The following VTCN1 variants were observed in gnomAD, a reference collection of about 807,000 sequenced individuals.
VTCN1 encodes the protein V-set domain containing T cell activation inhibitor 1.
In VTCN1, 26 loss-of-function variants were observed where a neutral mutation model predicts 26.5. The ratio of observed to expected loss-of-function variants is 0.98; its 90% confidence interval spans 0.72 to 1.36. VTCN1 has a LOEUF of 1.36. VTCN1 is among the 40% of genes most tolerant of loss of function. The pLI, the probability that VTCN1 is intolerant of heterozygous loss-of-function variation, is 0.00. For missense variants in VTCN1, 298 were observed against 337.7 expected (o/e 0.88, Z 0.92); for synonymous variants, 116 against 130.7 (o/e 0.89, Z 0.77).
rs780577419 is a variant in VTCN1 at position 117,210,901 on chromosome 1, C to G, written c.-46G>C. 6.2e-7 allele frequency: 1 copy of G among 1,607,812 alleles called. No homozygotes were observed. Among genetic ancestry groups the G allele is most frequent in the Non-Finnish European group, 8.5e-7 (1 of 1,174,582 alleles). On this transcript the variant is annotated 5_prime_UTR_variant, in exon 1 of 6. Coordinates refer to ENST00000369458, the MANE Select transcript of VTCN1 (RefSeq NM_024626.4). ...GTATCTGGGTACTGGCTGAGTGGAG[C>G]TGCCGCTGCCTTCCTTGGTGACTCA...
At chr1:117,196,403 TAG>T (rs68151432) in intron 1 of VTCN1, among the ~76,000 whole-genome samples, 11,141 of 145,088 alleles carry the variant, frequency 0.077, 757 homozygotes, top group African/African-American at 0.19. Flanking sequence ...TATATATATA[TAG>T]AGAGAGAGAG....
At chr1:117,173,317 C>T in intron 1 of VTCN1, 1 of 597,050 alleles carries the variant, frequency 1.7e-6, no homozygotes. Flanking sequence ...AATTCCTAAT[C>T]CAATATGGCT....
chr1:117,164,165 A>C (rs1257418426), intron 2 of VTCN1, among the ~76,000 whole-genome samples: 1 of 152,170 alleles, frequency 6.6e-6, no homozygotes, highest in East Asian at 1.9e-4. Context: ...CATTGCAAAC[A>C]CACAGCAGGC....
rs773228516 is a variant in VTCN1, at chr1:117,156,673, G to T, written c.346C>A (p.Arg116=). 4 of 1,613,952 alleles carry T rather than the reference G, an allele frequency of 2.5e-6. No individual in the cohort carries two copies. The African/African-American group carries it at 5.3e-5, about 22-fold the overall frequency. ...TCTGTGAGTTGCACGTTTTTCAGCCGCAAAGAGGCATTGCCAACTATCACT... is the reference window on the plus strand; with the variant it reads ...TCTGTGAGTTGCACGTTTTTCAGCCTCAAAGAGGCATTGCCAACTATCACT... The part of the protein sequence containing the change: ...DQVIVGNASL[R]LKNVQLTDAG... The change falls in exon 3 of 6, where the codon CGG becomes AGG. Residue 116 remains arginine, a synonymous_variant. Transcript: ENST00000369458.
At chr1:117,162,115 T>C (rs1403728412) in intron 2 of VTCN1, among the ~76,000 whole-genome samples, 1 of 152,172 alleles carries the variant, frequency 6.6e-6, no homozygotes, top group African/African-American at 2.4e-5. Context: ...GCATTAATGA[T>C]GTGGCAGATG....
chr1:117,170,354 C>A (rs1373916379), intron 1 of VTCN1, 183 bp from the exon 2 acceptor site: 1 of 707,784 alleles, frequency 1.4e-6, no homozygotes, highest in Non-Finnish European at 2.6e-6. Context: ...AATTCCATCC[C>A]CATCCCCCTG....
intron 1 of VTCN1, among the ~76,000 whole-genome samples, chr1:117,188,853 C>T (rs1379811323): frequency 1.3e-5 from 2 of 152,088 alleles, no homozygotes; most frequent in Non-Finnish European, 2.9e-5. Flanking sequence ...AATTTTAGGT[C>T]GTTTTATGTG....
In VTCN1 at chr1:117,183,916, T is replaced by C. The variant is rs533300909; in HGVS notation, c.33-13745A>G. On this transcript the variant is annotated intron_variant, in intron 1 of 5. Coordinates refer to ENST00000369458, the MANE Select transcript of VTCN1 (RefSeq NM_024626.4). This position sits in a 1 kb window ranked among gnomAD's most constrained non-coding sequence, Gnocchi z 4.1. ...ACATGAGTCCAGATCAGTAAGAGAG[T>C]GCTGGGCGCAATGGCTATGCATTCC... is the stretch of plus-strand genomic sequence containing the variant. Among the ~76,000 whole-genome samples the C allele has an allele frequency of 3.3e-5, 5 of 151,886 alleles. No individual in the cohort carries two copies. The highest frequency in any genetic ancestry group is 1.2e-4 in the African/African-American group (5 of 41,410).
chr1:117,199,402 T>G (rs909165420), intron 1 of VTCN1, among the ~76,000 whole-genome samples: 3 of 152,326 alleles, frequency 2.0e-5, no homozygotes. Flanking sequence ...CTCTGCTCAC[T>G]GCAAACTCTG....
intron 1 of VTCN1, among the ~76,000 whole-genome samples, chr1:117,201,427 G>T (rs1648782140): frequency 1.3e-5 from 2 of 152,148 alleles, no homozygotes; most frequent in Non-Finnish European, 1.5e-5. Flanking sequence ...TTCTCTCCAG[G>T]GCTCTGTGGG....
intron 2 of VTCN1, among the ~76,000 whole-genome samples, chr1:117,160,408 T>A (rs908210864): frequency 6.6e-6 from 1 of 152,232 alleles, no homozygotes; most frequent in Non-Finnish European, 1.5e-5. Flanking sequence ...TTCGCCTCCA[T>A]CCAATCCATT....
At chr1:117,197,592 C>T (rs1319251514) in intron 1 of VTCN1, among the ~76,000 whole-genome samples, 3 of 152,112 alleles carry the variant, frequency 2.0e-5, no homozygotes, top group East Asian at 1.9e-4. Context: ...CCAATGGAAA[C>T]CTCTAGAGGG....
chr1:117,157,441 A>T (rs1009488432), intron 2 of VTCN1, among the ~76,000 whole-genome samples: 1 of 152,184 alleles, frequency 6.6e-6, no homozygotes, highest in African/African-American at 2.4e-5. Context: ...CACTTCTTAC[A>T]TGGTGGTGGC....
At chr1:117,208,138 G>A (rs1165404969) in intron 1 of VTCN1, among the ~76,000 whole-genome samples, 1 of 152,214 alleles carries the variant, frequency 6.6e-6, no homozygotes, top group Admixed American at 6.5e-5. Flanking sequence ...AAGGCCCAGT[G>A]TGACCTGGTG....
At position 117,156,855 on chromosome 1, in the gene VTCN1, C is replaced by T. The variant is rs1652104007; in HGVS notation, c.164G>A (p.Ser55Asn). The change falls in exon 3 of 6, where the codon AGC becomes AAC. Residue 55 changes from serine (S) to asparagine (N), a missense_variant. Ser to Asn is a conservative substitution (Grantham distance 46, BLOSUM62 1). Transcript: ENST00000369458. The stretch of plus-strand genomic sequence containing the variant: ...TTTGATGTCAGGTTCAAAAGTGCAG[C>T]TCAGGATTCCATCCTCCCCAATGTT... ...AGNIGEDGIL[S>N]CTFEPDIKLS... 6.2e-7 allele frequency: 1 copy of T among 1,613,946 alleles called. No individual in the cohort carries two copies. Among genetic ancestry groups the T allele is most frequent in the Admixed American group, 1.7e-5 (1 of 59,988 alleles).
intron 1 of VTCN1, among the ~76,000 whole-genome samples, chr1:117,191,856 C>T (rs1165442370): frequency 6.6e-6 from 1 of 152,086 alleles, no homozygotes; most frequent in African/African-American, 2.4e-5. Context: ...ACTTCAGAGG[C>T]TAAGGTGGAA....
chr1:117,152,666 C>A (rs553729597), intron 4 of VTCN1, among the ~76,000 whole-genome samples: 18 of 151,886 alleles, frequency 1.2e-4, no homozygotes, highest in Non-Finnish European at 2.5e-4. Flanking sequence ...AGATTCACAG[C>A]CTTCTCAAAG....
At chr1:117,185,523 A>G (rs1225095590) in intron 1 of VTCN1, among the ~76,000 whole-genome samples, 1 of 152,158 alleles carries the variant, frequency 6.6e-6, no homozygotes, top group Non-Finnish European at 1.5e-5. Context: ...TTCCAAAGTT[A>G]ATCAGCAAAA....
chr1:117,153,471 T>C, intron 3 of VTCN1, 102 bp from the exon 4 acceptor site: 1 of 1,393,644 alleles, frequency 7.2e-7, no homozygotes, highest in Non-Finnish European at 9.5e-7. Flanking sequence ...ATTTTTTTTT[T>C]TTTTTTTTTA....
Sources: allele counts gnomAD v4.1 joint callset (sites outside exome capture counted in the v4.1 genomes callset), GRCh38; gene constraint gnomAD v4.1.1; non-coding constraint Gnocchi (gnomAD v3.1); transcripts MANE v1.5; gene names NCBI Gene and HGNC (gene_info 2026-07-23, HGNC 2026-07-21).